Variants in ANGPTL1 observed in about 807,000 individuals in gnomAD.
ANGPTL1 encodes the protein angiopoietin-related protein 1.
A neutral mutation model predicts 46.7 loss-of-function variants in ANGPTL1; 36 were observed. The observed-to-expected ratio is 0.77, with a 90% CI of 0.59 to 1.02. The LOEUF (loss-of-function observed/expected upper bound fraction) is 1.02, where lower values mean the gene tolerates loss of function less well. ANGPTL1 is among the 50% of genes least tolerant of loss of function. ANGPTL1 has a pLI of 0.00. For synonymous variants in ANGPTL1, 221 were observed against 204.3 expected (o/e 1.08, Z -0.69); for missense variants, 571 against 594.7 (o/e 0.96, Z 0.41).
chr1:178,863,312 CAG>C (rs1658159658), intron 3 of ANGPTL1, among the ~76,000 whole-genome samples: 2 of 152,154 alleles, frequency 1.3e-5, no homozygotes, highest in African/African-American at 2.4e-5. Context: ...TTAATCAAAA[CAG>C]AGATGTTGAG....
chr1:178,865,082 C>A lies in ANGPTL1; in HGVS notation c.695G>T (p.Gly232Val). 6.5e-7 allele frequency: 1 copy of A among 1,540,204 alleles called. No homozygotes were observed. The highest frequency in any genetic ancestry group is 8.8e-7 in the Non-Finnish European group (1 of 1,142,006). ...HIPNSQQYTP[G>V]LLGGNEIQRD... ...CTGAATCTCGTTACCTCCCAGCAGA[C>A]CAGGAGTATACTGTTGGCTGTTAGG... The change falls in exon 3 of 6, where the codon GGT becomes GTT. Residue 232 changes from glycine to valine, a missense_variant. Physicochemically the swap from Gly to Val is moderately radical, Grantham distance 109. Transcript: ENST00000234816.
intron 3 of ANGPTL1, among the ~76,000 whole-genome samples, chr1:178,854,625 G>A (rs549064814): frequency 3.0e-4 from 46 of 152,152 alleles, no homozygotes; most frequent in Non-Finnish European, 5.7e-4. Context: ...CAGTTACCTG[G>A]TGATAGTTGA....
intron 3 of ANGPTL1, among the ~76,000 whole-genome samples, chr1:178,856,202 G>GAGAGATATATAT (rs1428022812): frequency 3.6e-5 from 3 of 83,910 alleles, no homozygotes; most frequent in African/African-American, 1.9e-4. Context: ...GAGAGAGAGA[G>GAGAGATATATAT]ATATATATAT....
chr1:178,850,080 T>C lies in ANGPTL1; in HGVS notation c.*1049A>G, dbSNP rs921900837. 17 of 152,664 alleles carry C rather than the reference T, an allele frequency of 1.1e-4. No individual in the cohort carries two copies. The highest frequency in any genetic ancestry group is 3.9e-4 in the African/African-American group (16 of 41,462). 9.5% of individuals were successfully genotyped at this position (152,664 alleles called of 1,614,324 possible). ...ACACTGTAAAATGAAATTAGCAGTT[T>C]GGACTAAGCTATGCCCCTGTGGCTT... is the stretch of plus-strand genomic sequence containing the variant. On this transcript the variant is annotated 3_prime_UTR_variant, in exon 6 of 6. Transcript: ENST00000234816.
intron 3 of ANGPTL1, among the ~76,000 whole-genome samples, chr1:178,854,251 C>T (rs1034165291): frequency 6.6e-6 from 1 of 152,082 alleles, no homozygotes; most frequent in African/African-American, 2.4e-5. Context: ...GATCGATCTA[C>T]TGGATCAGAG....
At position 178,849,869 on chromosome 1, in the gene ANGPTL1, T is replaced by A. The variant is rs185790335; in HGVS notation, c.*1260A>T. The stretch of plus-strand genomic sequence containing the variant: ...TGCCTCACACATTTCAATTCGAGGT[T>A]TTCTTTTTGCTTAAGCAAAAGTTTC... On this transcript the variant is annotated 3_prime_UTR_variant, in exon 6 of 6. Transcript: ENST00000234816. The A allele has an allele frequency of 5.9e-5, 9 of 152,370 alleles. No individual in the cohort carries two copies. Among genetic ancestry groups the A allele is most frequent in the Admixed American group, 5.9e-4 (9 of 15,306 alleles). The allele number at this position is 152,370 out of a possible 1,614,324, so 9.4% of individuals were successfully genotyped here.
intron 4 of ANGPTL1, 108 bp downstream of exon 4, chr1:178,853,486 A>T: frequency 1.0e-6 from 1 of 959,020 alleles, no homozygotes; most frequent in Non-Finnish European, 1.5e-6. Context: ...AAACATATGG[A>T]TAGTTATTTT....
intron 3 of ANGPTL1, among the ~76,000 whole-genome samples, chr1:178,855,920 G>T (rs1219259771): frequency 2.0e-5 from 3 of 148,820 alleles, no homozygotes; most frequent in African/African-American, 7.4e-5. Context: ...GTTAATACAC[G>T]AATTACATTG....
rs143247341 is a variant in ANGPTL1 at position 178,864,974 on chromosome 1, G to A, written c.803C>T (p.Pro268Leu). Residue 268 changes from proline (P) to leucine (L), a missense_variant, in exon 3 of 6, where the codon CCG becomes CTG. Transcript: ENST00000234816. Reference sequence around the variant, plus strand: ...CTCACCTTCATTGATGAAAGTTACCGGTGGTATCTTGAAAGGGCTTTTGGT... The same window carrying A: ...CTCACCTTCATTGATGAAAGTTACCAGTGGTATCTTGAAAGGGCTTTTGGT... ...SPTKSPFKIP[P>L]VTFINEGPFK... The A allele has an allele frequency of 1.7e-5, 24 of 1,452,542 alleles. No individual in the cohort carries two copies. The African/African-American group carries it at 2.3e-4, about 14-fold the overall frequency. The allele number at this position is 1,452,542 out of a possible 1,614,324, so 90.0% of individuals were successfully genotyped here. A position where few individuals can be genotyped will look rare whatever the true frequency, so the allele number is the denominator to read the frequency against.
chr1:178,864,900 G>A (rs2102334700), intron 3 of ANGPTL1, 54 bp downstream of exon 3: 2 of 1,184,114 alleles, frequency 1.7e-6, no homozygotes, highest in Non-Finnish European at 2.2e-6. Flanking sequence ...TGTTTCATAA[G>A]GCATAAAAAT....
At position 178,865,507 on chromosome 1, in the gene ANGPTL1, A is replaced by G. The variant is rs1455454744; in HGVS notation, c.270T>C (p.Asp90=). Residue 90 remains aspartate, a synonymous_variant, in exon 3 of 6, where the codon GAT becomes GAC. Coordinates refer to ENST00000234816, the MANE Select transcript of ANGPTL1 (RefSeq NM_004673.4). ...ITRMDLENLK[D]VLSRQKREID... is the part of the protein sequence containing the mutation. ...TCTCCCGCTTCTGCCTGGAGAGCACATCCTTCAGGTTTTCAAGGTCCATCC... is the reference window on the plus strand; with the variant it reads ...TCTCCCGCTTCTGCCTGGAGAGCACGTCCTTCAGGTTTTCAAGGTCCATCC... The G allele has an allele frequency of 3.7e-6, 6 of 1,613,884 alleles. No individual in the cohort carries two copies. Among genetic ancestry groups the G allele is most frequent in the African/African-American group, 1.3e-5 (1 of 74,896 alleles).
rs1658300590 is a variant in ANGPTL1, at chr1:178,865,121, A to G, written c.656T>C (p.Val219Ala). ...TTGGCTGTTAGGAATATGTTGTGGCACCACCTGGACAAGTGGGGGAGACAC... is the reference window on the plus strand; with the variant it reads ...TTGGCTGTTAGGAATATGTTGTGGCGCCACCTGGACAAGTGGGGGAGACAC... ...THVSPPLVQVVPQHIPNSQQY... is the reference protein window; with the variant it reads ...THVSPPLVQVAPQHIPNSQQY... Residue 219 changes from valine (V) to alanine (A), a missense_variant, in exon 3 of 6, where the codon GTG (valine) becomes GCG (alanine). By Grantham distance (64) the Val-to-Ala change is moderately conservative. Coordinates refer to ENST00000234816, the MANE Select transcript of ANGPTL1 (RefSeq NM_004673.4). 3 of 1,583,340 alleles carry G rather than the reference A, an allele frequency of 1.9e-6. No homozygotes were observed. The African/African-American group carries it at 4.0e-5, about 21-fold the overall frequency.
intron 3 of ANGPTL1, among the ~76,000 whole-genome samples, chr1:178,856,194 G>GATATATATATATATATATATATAT (rs776840814): frequency 1.1e-4 from 11 of 99,184 alleles, no homozygotes; most frequent in South Asian, 3.3e-4. Context: ...CTTTTCCAGA[G>GATATATATATATATATATATATAT]AGAGAGAGAT....
chr1:178,853,304 A>G (rs539997950), intron 4 of ANGPTL1: 3 of 788,190 alleles, frequency 3.8e-6, no homozygotes, highest in East Asian at 1.3e-4. Context: ...ATATTCATCT[A>G]AAGAGCCCAA....
intron 3 of ANGPTL1, among the ~76,000 whole-genome samples, chr1:178,855,286 A>G (rs1657454083): frequency 6.8e-6 from 1 of 146,150 alleles, no homozygotes; most frequent in African/African-American, 2.7e-5. Flanking sequence ...TTGTTCCGTG[A>G]GGACAGAGAC....
intron 3 of ANGPTL1, among the ~76,000 whole-genome samples, chr1:178,857,135 G>C (rs1657641555): frequency 6.6e-6 from 1 of 152,146 alleles, no homozygotes; most frequent in African/African-American, 2.4e-5. Flanking sequence ...GGAGTGAGAT[G>C]GAAGGAAAAG....
In ANGPTL1 at chr1:178,869,183, T is replaced by A. The variant is rs1344434354; in HGVS notation, c.-96A>T. Reference sequence around the variant, plus strand: ...AAAGTCTTCTATGCGTTGGGTTAATTTTATTAGTAGCTTTTCTCTTCATAG... The same window carrying A: ...AAAGTCTTCTATGCGTTGGGTTAATATTATTAGTAGCTTTTCTCTTCATAG... On this transcript the variant is annotated 5_prime_UTR_variant, in exon 2 of 6. Coordinates refer to ENST00000234816, the MANE Select transcript of ANGPTL1 (RefSeq NM_004673.4). The A allele has an allele frequency of 1.3e-5, 2 of 152,052 alleles. No individual in the cohort carries two copies. Among genetic ancestry groups the A allele is most frequent in the African/African-American group, 2.4e-5 (1 of 41,446 alleles). 9.4% of individuals were successfully genotyped at this position (152,052 alleles called of 1,614,324 possible). A position where few individuals can be genotyped will look rare whatever the true frequency, so the allele number is the denominator to read the frequency against.
At chr1:178,856,356 T>C (rs1490797390) in intron 3 of ANGPTL1, among the ~76,000 whole-genome samples, 1 of 143,296 alleles carries the variant, frequency 7.0e-6, no homozygotes, top group Non-Finnish European at 1.5e-5. Flanking sequence ...GCCTCCCAAG[T>C]AGCTAGGACT....
intron 4 of ANGPTL1, 172 bp from the exon 5 acceptor site, chr1:178,853,125 CTTT>C: frequency 3.0e-6 from 3 of 985,336 alleles, no homozygotes; most frequent in Non-Finnish European, 2.4e-6. Flanking sequence ...TTGTCATTCT[CTTT>C]TTGTTTGTTT....
Sources: gnomAD v4.1 joint callset for allele counts (sites outside exome capture counted in the v4.1 genomes callset) on GRCh38, gnomAD v4.1.1 for gene constraint, MANE v1.5 for transcripts, NCBI Gene and HGNC (gene_info 2026-07-23, HGNC 2026-07-21) for gene names.